The following MN1 variants were observed in gnomAD, a reference collection of about 807,000 sequenced individuals.
MN1 encodes the protein transcriptional activator MN1.
Under a neutral mutation model 86.9 loss-of-function variants are expected in MN1, and 19 were observed. The observed-to-expected ratio is 0.22, with a 90% CI of 0.15 to 0.32. The LOEUF is 0.32. MN1 is among the 10% of genes least tolerant of loss of function. The probability of loss-of-function intolerance (pLI) is 1.00; values close to 1 mark genes in which losing one functional copy is unlikely to be tolerated. For synonymous variants in MN1, 928 were observed against 849.6 expected, an observed-to-expected ratio of 1.09 and a Z score of -1.60; for missense variants, 1,841 against 1,862.0, an observed-to-expected ratio of 0.99 and a Z score of 0.21.
intron 1 of MN1, among the ~76,000 whole-genome samples, chr22:27,788,032 G>A (rs941420023): frequency 2.0e-5 from 3 of 152,294 alleles, no homozygotes; most frequent in Middle Eastern, 3.4e-3. Context: ...TGTGACGGCC[G>A]ACACCAGCCG....
rs1437899137 is a variant in MN1, at chr22:27,800,082, C to CTCA, written c.459_461dup (p.Tyr153_Glu154insAsp). The CTCA allele has an allele frequency of 3.8e-6, 6 of 1,595,222 alleles. No homozygotes were observed. In the African/African-American group the frequency reaches 8.0e-5, roughly 21 times the overall value. ...CAGGCCCCTGGCTCTCCGCCATGTG[C>CTCA]TCATAGCCCTCGGCGAAGGGCGGCT... On this transcript the variant is annotated inframe_insertion, in exon 1 of 2. Transcript: ENST00000302326.
chr22:27,763,638 G>T (rs1015872213), intron 1 of MN1, among the ~76,000 whole-genome samples: 61 of 152,210 alleles, frequency 4.0e-4, no homozygotes, highest in Admixed American at 3.2e-3. Flanking sequence ...GCCTAGGGCA[G>T]CCTAGAGGAA....
rs1933422187 is a variant in MN1 at position 27,800,762 on chromosome 22, A to C, written c.-219T>G. The stretch of plus-strand genomic sequence containing the variant: ...CGATTCTGCCCGGGGAGGGCCTCTC[A>C]CATCTTGCGAGGCCGCGGGGCCTCT... On this transcript the variant is annotated 5_prime_UTR_variant, in exon 1 of 2. The change abolishes the stop of an existing upstream ORF in the 5' untranslated region. Transcript: ENST00000302326. 3.3e-6 allele frequency: 2 copies of C among 612,228 alleles called. No individual in the cohort carries two copies. Among genetic ancestry groups the C allele is most frequent in the East Asian group, 2.9e-5 (1 of 34,280 alleles). The allele number at this position is 612,228 out of a possible 1,614,324, so 37.9% of individuals were successfully genotyped here. A position where few individuals can be genotyped will look rare whatever the true frequency, so the allele number is the denominator to read the frequency against.
At chr22:27,759,681 C>T (rs1165314112) in intron 1 of MN1, among the ~76,000 whole-genome samples, 1 of 152,210 alleles carries the variant, frequency 6.6e-6, no homozygotes, top group African/African-American at 2.4e-5. Flanking sequence ...ACCCTAAGGG[C>T]AGACATGCCC....
intron 1 of MN1, among the ~76,000 whole-genome samples, chr22:27,785,526 A>C (rs1485288843): frequency 6.6e-6 from 1 of 152,196 alleles, no homozygotes; most frequent in Non-Finnish European, 1.5e-5. Flanking sequence ...TTCCCAAAAT[A>C]ACTACTTACT....
chr22:27,785,062 A>T (rs1601336736), intron 1 of MN1, among the ~76,000 whole-genome samples: 1 of 106,634 alleles, frequency 9.4e-6, no homozygotes, highest in South Asian at 3.0e-4. Context: ...TCCGCCACAC[A>T]CACACACACA....
chr22:27,798,375 G>A lies in MN1; in HGVS notation c.2169C>T (p.Ser723=), dbSNP rs1372367827. 2.0e-6 allele frequency: 3 copies of A among 1,503,402 alleles called. No homozygotes were observed. Among genetic ancestry groups the A allele is most frequent in the Admixed American group, 2.2e-5 (1 of 45,344 alleles). 93.1% of individuals were successfully genotyped at this position (1,503,402 alleles called of 1,614,324 possible). Reference sequence around the variant, plus strand: ...GCGGGGGCCGGCGCTCCGAAGCAGCGCTGGGGAGCCCCACGCCCGCCCCGG... The same window carrying A: ...GCGGGGGCCGGCGCTCCGAAGCAGCACTGGGGAGCCCCACGCCCGCCCCGG... ...QSPGAGVGLP[S]AASERRPPPP... is the part of the protein sequence containing the mutation. The change falls in exon 1 of 2, where the codon AGC becomes AGT. Residue 723 remains serine, a synonymous_variant. Transcript: ENST00000302326.
Position 27,800,220 on chromosome 22 carries a change from G to C in MN1, c.324C>G (p.His108Gln), listed in dbSNP as rs979466925. ...HHGHPGSHHP[H>Q]QHHPHFGGNF... ...TGCCCCCAAAGTGGGGGTGATGCTG[G>C]TGGGGATGATGACTTCCCGGGTGGC... Residue 108 changes from histidine (H) to glutamine (Q), a missense_variant, in exon 1 of 2, where the codon CAC becomes CAG. Coordinates refer to ENST00000302326, the MANE Select transcript of MN1 (RefSeq NM_002430.3). 9 of 1,580,766 alleles carry C rather than the reference G, an allele frequency of 5.7e-6. No homozygotes were observed. Among genetic ancestry groups the C allele is most frequent in the African/African-American group, 1.4e-5 (1 of 73,898 alleles).
intron 1 of MN1, among the ~76,000 whole-genome samples, chr22:27,757,183 G>C (rs989859261): frequency 2.6e-5 from 4 of 152,092 alleles, no homozygotes; most frequent in Admixed American, 6.5e-5. Flanking sequence ...AGCCAGGCCT[G>C]CAATCCAGCC....
intron 1 of MN1, among the ~76,000 whole-genome samples, chr22:27,765,091 G>C (rs918442309): frequency 1.3e-5 from 2 of 152,204 alleles, no homozygotes; most frequent in African/African-American, 4.8e-5. Flanking sequence ...AACCATCACA[G>C]TATATAACCC....
intron 1 of MN1, among the ~76,000 whole-genome samples, chr22:27,765,572 G>T (rs1447259992): frequency 6.6e-6 from 1 of 152,242 alleles, no homozygotes; most frequent in Non-Finnish European, 1.5e-5. Flanking sequence ...GGGCTGCATG[G>T]CCTGCCCAGC....
At position 27,797,724 on chromosome 22, in the gene MN1, G is replaced by A. The variant is rs2146315990; in HGVS notation, c.2820C>T (p.Gly940=). 1 of 1,611,590 alleles carries A rather than the reference G, an allele frequency of 6.2e-7. No individual in the cohort carries two copies. Among genetic ancestry groups the A allele is most frequent in the South Asian group, 1.1e-5 (1 of 90,892 alleles). The change falls in exon 1 of 2, where the codon GGC becomes GGT. Residue 940 remains glycine (G), a synonymous_variant. Transcript: ENST00000302326. ...NDGKPVSGGG[G]RGRGRRKRDS... Reference sequence around the variant, plus strand: ...CCCTTTTTCTGCGACCCCGTCCCCGGCCGCCGCCCCCGGAGACCGGCTTGC... The same window carrying A: ...CCCTTTTTCTGCGACCCCGTCCCCGACCGCCGCCCCCGGAGACCGGCTTGC...
chr22:27,800,131 C>T lies in MN1; in HGVS notation c.413G>A (p.Gly138Asp), dbSNP rs1458967999. ...LHGGRLLGYG[G>D]AAGGLGSQPP... ...CTGGCTGCCCAGGCCTCCGGCTGCG[C>T]CGCCGTAGCCGAGCAGGCGACCCCC... Residue 138 changes from glycine (G) to aspartate (D), a missense_variant, in exon 1 of 2, where the codon GGC becomes GAC. Transcript: ENST00000302326. 3 of 1,557,892 alleles carry T rather than the reference C, an allele frequency of 1.9e-6. No homozygotes were observed. The highest frequency in any genetic ancestry group is 8.6e-7 in the Non-Finnish European group (1 of 1,158,626).
rs761317200 is a variant in MN1 at position 27,796,799 on chromosome 22, C to T, written c.3745G>A (p.Glu1249Lys). The change falls in exon 1 of 2, where the codon GAG (glutamate) becomes AAG (lysine). Residue 1249 changes from glutamate (E) to lysine (K), a missense_variant. By Grantham distance (56) the Glu-to-Lys change is moderately conservative. Coordinates refer to ENST00000302326, the MANE Select transcript of MN1 (RefSeq NM_002430.3). Reference sequence around the variant, plus strand: ...TTGGGGTTCTGGGGTTTGGCCTTCTCCCAGGGCGCCAACGTCTTGTCGTCG... The same window carrying T: ...TTGGGGTTCTGGGGTTTGGCCTTCTTCCAGGGCGCCAACGTCTTGTCGTCG... ...ADDDKTLAPWEKAKPQNPNSK... is the reference protein window; with the variant it reads ...ADDDKTLAPWKKAKPQNPNSK... 7 of 1,607,062 alleles carry T rather than the reference C, an allele frequency of 4.4e-6. No individual in the cohort carries two copies. The Admixed American group carries it at 1.2e-4, about 27-fold the overall frequency.
rs3831688 is a variant in MN1, at chr22:27,761,221, T to TTC, written c.3782-10127_3782-10126dup. 3.5e-3 allele frequency among the ~76,000 whole-genome samples: 520 copies of TTC among 148,960 alleles called. 19 individuals are homozygous for TTC. In the East Asian group the frequency reaches 0.086, roughly 25 times the overall value. ...TCTGTCTCGTTCTCGCTCTCTCTCT[T>TTC]TCTCTCTCTCTCTCCCTCATGTCTT... On this transcript the variant is annotated intron_variant, in intron 1 of 1. Transcript: ENST00000302326.
At chr22:27,761,303 A>C (rs1932833070) in intron 1 of MN1, among the ~76,000 whole-genome samples, 1 of 142,610 alleles carries the variant, frequency 7.0e-6, no homozygotes, top group East Asian at 2.0e-4. Context: ...CCTCTCTCTT[A>C]TTCTTCCTCT....
At chr22:27,757,169 G>C (rs539602981) in intron 1 of MN1, among the ~76,000 whole-genome samples, 70 of 152,262 alleles carry the variant, frequency 4.6e-4, no homozygotes, top group Middle Eastern at 3.4e-3. Flanking sequence ...GGAGTCAGGG[G>C]CAGAGCCAGG....
At position 27,800,219 on chromosome 22, in the gene MN1, G is replaced by T; in HGVS notation, c.325C>A (p.Gln109Lys). ...HGHPGSHHPH[Q>K]HHPHFGGNFG... ...TTGCCCCCAAAGTGGGGGTGATGCTGGTGGGGATGATGACTTCCCGGGTGG... is the reference window on the plus strand; with the variant it reads ...TTGCCCCCAAAGTGGGGGTGATGCTTGTGGGGATGATGACTTCCCGGGTGG... Residue 109 changes from glutamine to lysine, a missense_variant, in exon 1 of 2, where the codon CAG (glutamine) becomes AAG (lysine). Transcript: ENST00000302326. 6.3e-7 allele frequency: 1 copy of T among 1,580,576 alleles called. No individual in the cohort carries two copies. Among genetic ancestry groups the T allele is most frequent in the Non-Finnish European group, 8.6e-7 (1 of 1,164,364 alleles).
intron 1 of MN1, among the ~76,000 whole-genome samples, chr22:27,785,332 C>G (rs58457535): frequency 2.6e-3 from 389 of 152,318 alleles, no homozygotes; most frequent in African/African-American, 8.8e-3. Flanking sequence ...CCCCCTCTGT[C>G]GAGAAGCAAA....
Sources: gnomAD v4.1 joint callset for allele counts (sites outside exome capture counted in the v4.1 genomes callset) on GRCh38, gnomAD v4.1.1 for gene constraint, MANE v1.5 for transcripts, NCBI Gene and HGNC (gene_info 2026-07-23, HGNC 2026-07-21) for gene names.